ZRANB3: variants seen among roughly 807,000 people sequenced by gnomAD.
ZRANB3 encodes DNA annealing helicase and endonuclease ZRANB3.
ZRANB3 carries 125 observed loss-of-function variants against 133.8 expected under a neutral mutation model. The ratio of observed to expected loss-of-function variants is 0.93; its 90% CI spans 0.81 to 1.08. The LOEUF is 1.08. ZRANB3 is among the 50% of genes least tolerant of loss of function. The probability of loss-of-function intolerance (pLI) is 0.00; values close to 1 mark genes in which losing one functional copy is unlikely to be tolerated. For missense variants in ZRANB3, 1,229 were observed against 1,275.5 expected (o/e 0.96, Z 0.56); for synonymous variants, 387 against 432.7 (o/e 0.89, Z 1.31).
intron 2 of ZRANB3, among the ~76,000 whole-genome samples, chr2:135,422,092 G>C (rs1397130379): frequency 6.6e-6 from 1 of 151,676 alleles, no homozygotes; most frequent in Non-Finnish European, 1.5e-5. Context: ...TGCCTGCAAG[G>C]TGTCACATTC....
At chr2:135,291,451 G>A (rs1323375524) in intron 8 of ZRANB3, among the ~76,000 whole-genome samples, 1 of 152,088 alleles carries the variant, frequency 6.6e-6, no homozygotes, top group Non-Finnish European at 1.5e-5. Flanking sequence ...CCAAAGTGCT[G>A]GGATTATAGG....
rs145041040 is a variant in ZRANB3, at chr2:135,377,735, T to C, written c.180+13067A>G. Among the ~76,000 whole-genome samples, 318 of 152,344 alleles carry C rather than the reference T, an allele frequency of 2.1e-3. 4 individuals are homozygous for C. The highest frequency in any genetic ancestry group is 7.4e-3 in the African/African-American group (309 of 41,582). On this transcript the variant is annotated intron_variant, in intron 3 of 20. Transcript: ENST00000264159. ...AATGAATTCCAAATAATTTATGTAT[T>C]TACTCCAGCTTTGTGATGGTTAATA...
intron 2 of ZRANB3, among the ~76,000 whole-genome samples, chr2:135,392,342 C>CAA (rs1480108307): frequency 6.6e-4 from 30 of 45,460 alleles, no homozygotes; most frequent in African/African-American, 2.6e-3. Flanking sequence ...AATGAAAATA[C>CAA]AAAAAAAAAA....
At chr2:135,338,951 A>G (rs1020166802) in intron 6 of ZRANB3, among the ~76,000 whole-genome samples, 2 of 152,170 alleles carry the variant, frequency 1.3e-5, no homozygotes, top group Admixed American at 6.5e-5. Flanking sequence ...GGGCTTTTCA[A>G]TGTTTGGTAG....
At chr2:135,316,981 A>ATATAT (rs1290372721) in intron 6 of ZRANB3, among the ~76,000 whole-genome samples, 31 of 140,666 alleles carry the variant, frequency 2.2e-4, no homozygotes, top group African/African-American at 9.0e-4. Flanking sequence ...AAAAAAAAAA[A>ATATAT]AAATATATAT....
At chr2:135,461,030 C>G (rs1336959235) in intron 2 of ZRANB3, among the ~76,000 whole-genome samples, 2 of 152,124 alleles carry the variant, frequency 1.3e-5, no homozygotes, top group Non-Finnish European at 2.9e-5. Context: ...CTGTATTACA[C>G]ATCTGTAAAT....
chr2:135,346,198 G>A (rs1012627945), intron 5 of ZRANB3, among the ~76,000 whole-genome samples: 1 of 152,242 alleles, frequency 6.6e-6, no homozygotes, highest in Non-Finnish European at 1.5e-5. Flanking sequence ...CAGAGTTCAC[G>A]CCATTCTCTC....
chr2:135,362,424 C>T (rs1436809440), intron 3 of ZRANB3, among the ~76,000 whole-genome samples: 1 of 152,012 alleles, frequency 6.6e-6, no homozygotes, highest in Non-Finnish European at 1.5e-5. Flanking sequence ...AGGGAATGCA[C>T]TGGGAACAGA....
At chr2:135,530,025 A>G (rs1247238415) in intron 1 of ZRANB3, among the ~76,000 whole-genome samples, 1 of 151,540 alleles carries the variant, frequency 6.6e-6, no homozygotes, top group Non-Finnish European at 1.5e-5. Context: ...CAGGAGATCG[A>G]GACCATCCTG....
intron 1 of ZRANB3, chr2:135,511,815 C>A: frequency 1.3e-6 from 1 of 761,030 alleles, no homozygotes; most frequent in Non-Finnish European, 2.5e-6. Flanking sequence ...AATCCAATCC[C>A]CCATGGACAT....
intron 6 of ZRANB3, among the ~76,000 whole-genome samples, chr2:135,331,292 T>G (rs1405104442): frequency 6.6e-6 from 1 of 152,198 alleles, no homozygotes; most frequent in African/African-American, 2.4e-5. Context: ...AAAGAACACC[T>G]TTATTTCTGC....
intron 3 of ZRANB3, among the ~76,000 whole-genome samples, chr2:135,355,475 C>T (rs1229227105): frequency 2.6e-5 from 4 of 152,016 alleles, no homozygotes; most frequent in African/African-American, 7.2e-5. Flanking sequence ...CATTATCCTG[C>T]CTCAGCCTCT....
Position 135,227,920 on chromosome 2 carries a change from A to C in ZRANB3, c.2050T>G (p.Cys684Gly). ...TSKKVQTISDCEKQALAQSEP... is the reference protein window; with the variant it reads ...TSKKVQTISDGEKQALAQSEP... ...GACTGTGCAAGGGCTTGTTTTTCACAGTCTGAGATAGTTTGAACCTTTTTG... is the reference window on the plus strand; with the variant it reads ...GACTGTGCAAGGGCTTGTTTTTCACCGTCTGAGATAGTTTGAACCTTTTTG... Residue 684 changes from cysteine (C) to glycine (G), a missense_variant, in exon 14 of 21, where the codon TGT becomes GGT. By Grantham distance (159) the Cys-to-Gly change is radical. Coordinates refer to ENST00000264159, the MANE Select transcript of ZRANB3 (RefSeq NM_032143.4). 1 of 1,556,652 alleles carries C rather than the reference A, an allele frequency of 6.4e-7. No homozygotes were observed. Among genetic ancestry groups the C allele is most frequent in the Non-Finnish European group, 8.7e-7 (1 of 1,148,914 alleles).
intron 8 of ZRANB3, among the ~76,000 whole-genome samples, chr2:135,288,320 T>C (rs901245876): frequency 6.6e-6 from 1 of 152,114 alleles, no homozygotes; most frequent in Non-Finnish European, 1.5e-5. Flanking sequence ...TGATATACTG[T>C]TGGATTTGGT....
intron 3 of ZRANB3, among the ~76,000 whole-genome samples, chr2:135,384,589 C>T (rs1429671536): frequency 1.3e-5 from 2 of 152,144 alleles, no homozygotes; most frequent in Non-Finnish European, 2.9e-5. Context: ...ATGCAAAAAT[C>T]CTCAATAAAA....
At chr2:135,405,501 A>T (rs576823173) in intron 2 of ZRANB3, among the ~76,000 whole-genome samples, 1 of 152,318 alleles carries the variant, frequency 6.6e-6, no homozygotes, top group East Asian at 1.9e-4. Flanking sequence ...CTCCATCCCA[A>T]ATGAACAAAA....
chr2:135,206,231 A>T (rs1250869127), intron 19 of ZRANB3, among the ~76,000 whole-genome samples: 1 of 152,026 alleles, frequency 6.6e-6, no homozygotes, highest in East Asian at 1.9e-4. Flanking sequence ...GAACAAAGTA[A>T]CTATAAAATA....
intron 2 of ZRANB3, among the ~76,000 whole-genome samples, chr2:135,438,030 T>C (rs1689620768): frequency 6.6e-6 from 1 of 152,130 alleles, no homozygotes; most frequent in Non-Finnish European, 1.5e-5. Flanking sequence ...CTGGGACATG[T>C]GTGCTCCTGA....
intron 2 of ZRANB3, among the ~76,000 whole-genome samples, chr2:135,406,515 CA>C (rs993509699): frequency 6.6e-6 from 1 of 151,988 alleles, no homozygotes; most frequent in Admixed American, 6.5e-5. Flanking sequence ...AGAGACAAAA[CA>C]AAAAAAGAGA....
Sources: gnomAD v4.1 joint callset for allele counts (sites outside exome capture counted in the v4.1 genomes callset) on GRCh38, gnomAD v4.1.1 for gene constraint, MANE v1.5 for transcripts, NCBI Gene and HGNC (gene_info 2026-07-23, HGNC 2026-07-21) for gene names.